The following MAML2 variants were observed in gnomAD, a reference collection of about 807,000 sequenced individuals.
The protein encoded by MAML2 is mastermind-like protein 2.
A neutral mutation model predicts 96.1 loss-of-function variants in MAML2; 22 were observed. The ratio of observed to expected loss-of-function variants is 0.23; its 90% CI spans 0.16 to 0.33. MAML2 has a LOEUF of 0.33. Among genes scored for constraint, MAML2 ranks in the 10% least tolerant of loss-of-function variants. The probability of loss-of-function intolerance (pLI) is 1.00; values close to 1 mark genes in which losing one functional copy is unlikely to be tolerated. For synonymous variants in MAML2, 561 were observed against 521.3 expected (o/e 1.08, Z -1.04); for missense variants, 1,367 against 1,392.4 (o/e 0.98, Z 0.29).
intron 2 of MAML2, among the ~76,000 whole-genome samples, chr11:95,993,098 C>G: frequency 6.6e-6 from 1 of 151,106 alleles, no homozygotes. Flanking sequence ...TTTTTAGAGA[C>G]GGGGTCTTAC....
intron 1 of MAML2, among the ~76,000 whole-genome samples, chr11:96,272,177 T>C (rs548700005): frequency 4.0e-5 from 6 of 151,002 alleles, no homozygotes; most frequent in African/African-American, 1.5e-4. Context: ...CTATGCATTG[T>C]ACTTGTGTTG....
intron 1 of MAML2, 142 bp downstream of exon 1, chr11:96,341,241 C>T (rs1225397948): frequency 1.1e-6 from 1 of 935,378 alleles, no homozygotes; most frequent in Non-Finnish European, 1.6e-6. Flanking sequence ...ACCACCCGAA[C>T]ACACCCAATG....
intron 1 of MAML2, among the ~76,000 whole-genome samples, chr11:96,318,326 A>C (rs1023611774): frequency 6.6e-6 from 1 of 152,208 alleles, no homozygotes; most frequent in African/African-American, 2.4e-5. Flanking sequence ...AGAAGTAAGC[A>C]AGAGACTTAT....
rs34658278 is a variant in MAML2, at chr11:96,312,219, C to CAAAAAAAAAAAAAAAAAAAAAA, written c.513+29142_513+29163dup. Among the ~76,000 whole-genome samples, 11 of 51,560 alleles carry CAAAAAAAAAAAAAAAAAAAAAA rather than the reference C, an allele frequency of 2.1e-4. 1 individual carries two copies. Among genetic ancestry groups the CAAAAAAAAAAAAAAAAAAAAAA allele is most frequent in the East Asian group, 7.1e-4 (1 of 1,414 alleles). The allele number at this position is 51,560 out of a possible 152,430, so 33.8% of individuals were successfully genotyped here. A position where few individuals can be genotyped will look rare whatever the true frequency, so the allele number is the denominator to read the frequency against. ...TGGGCGACAGAGCAAGACTCTATCTCAAAAAAAAAAAAAAAAAAAAAAAAA... is the reference window on the plus strand; with the variant it reads ...TGGGCGACAGAGCAAGACTCTATCTCAAAAAAAAAAAAAAAAAAAAAAAAAAAAAAAAAAAAAAAAAAAAAAA... On this transcript the variant is annotated intron_variant, in intron 1 of 4. Coordinates refer to ENST00000524717, the MANE Select transcript of MAML2 (RefSeq NM_032427.4).
intron 2 of MAML2, among the ~76,000 whole-genome samples, chr11:96,029,702 A>G (rs1858581160): frequency 6.6e-6 from 1 of 152,158 alleles, no homozygotes; most frequent in Non-Finnish European, 1.5e-5. Flanking sequence ...AACTCCCACC[A>G]TTTGTCATTC....
chr11:96,023,018 C>G lies in MAML2; in HGVS notation c.2140-31295G>C, dbSNP rs556450615. ...GATACTGTATCTGAAGAAGGTAAGG[C>G]ATGCAGGGGATCCCCAAGACTGGGG... On this transcript the variant is annotated intron_variant, in intron 2 of 4. Coordinates refer to ENST00000524717, the MANE Select transcript of MAML2 (RefSeq NM_032427.4). Among the ~76,000 whole-genome samples the G allele has an allele frequency of 7.9e-5, 12 of 152,260 alleles. No homozygotes were observed. The South Asian group carries it at 1.9e-3, about 24-fold the overall frequency.
intron 2 of MAML2, among the ~76,000 whole-genome samples, chr11:96,081,411 G>T (rs936560315): frequency 2.0e-5 from 3 of 152,014 alleles, no homozygotes; most frequent in African/African-American, 7.3e-5. Flanking sequence ...AGTGGAAGAT[G>T]TCCATCAAGT....
At chr11:95,995,043 A>G (rs930267388) in intron 2 of MAML2, among the ~76,000 whole-genome samples, 2 of 152,246 alleles carry the variant, frequency 1.3e-5, no homozygotes, top group African/African-American at 4.8e-5. Flanking sequence ...GAGATAATCC[A>G]ATACCTACCA....
intron 1 of MAML2, among the ~76,000 whole-genome samples, chr11:96,298,706 T>A (rs1783830): frequency 0.25 from 36,408 of 146,894 alleles, 4,689 homozygotes; most frequent in East Asian, 0.33. Flanking sequence ...TGTATGTGTG[T>A]ATAAATATAT....
intron 1 of MAML2, among the ~76,000 whole-genome samples, chr11:96,221,343 C>T (rs2135946798): frequency 6.6e-6 from 1 of 152,280 alleles, no homozygotes; most frequent in African/African-American, 2.4e-5. Flanking sequence ...TATCAAGACT[C>T]AGAGATAGCG....
intron 2 of MAML2, among the ~76,000 whole-genome samples, chr11:96,060,565 C>A (rs1317867733): frequency 6.6e-6 from 1 of 152,076 alleles, no homozygotes; most frequent in Non-Finnish European, 1.5e-5. Context: ...CACAGAGGCC[C>A]CAGATCTAAA....
chr11:96,148,678 A>ACACAC (rs1353632767), intron 1 of MAML2, among the ~76,000 whole-genome samples: 3 of 148,666 alleles, frequency 2.0e-5, no homozygotes, highest in Non-Finnish European at 4.5e-5. Flanking sequence ...ACACACACAC[A>ACACAC]CACACACACA....
At chr11:95,998,982 AT>A (rs1177746130) in intron 2 of MAML2, among the ~76,000 whole-genome samples, 1 of 152,152 alleles carries the variant, frequency 6.6e-6, no homozygotes, top group Non-Finnish European at 1.5e-5. Flanking sequence ...ACTCTTTTAA[AT>A]GGGTACCCTT....
At chr11:96,179,975 G>A (rs1591058099) in intron 1 of MAML2, among the ~76,000 whole-genome samples, 2 of 152,336 alleles carry the variant, frequency 1.3e-5, no homozygotes, top group East Asian at 3.9e-4. Context: ...GGATAGTAGG[G>A]AAAAGCAGGT....
intron 1 of MAML2, among the ~76,000 whole-genome samples, chr11:96,338,357 A>G (rs1369358129): frequency 6.6e-6 from 1 of 152,242 alleles, no homozygotes; most frequent in Non-Finnish European, 1.5e-5. Context: ...CTTCCCCTGA[A>G]CTTGTACTTG....
At chr11:96,008,045 C>T (rs1003175703) in intron 2 of MAML2, among the ~76,000 whole-genome samples, 20 of 148,956 alleles carry the variant, frequency 1.3e-4, no homozygotes, top group African/African-American at 4.7e-4. Flanking sequence ...AAAAATTTTT[C>T]AGTGAAATGA....
intron 1 of MAML2, among the ~76,000 whole-genome samples, chr11:96,181,761 ATCTTTTCTACTGATACTG>A (rs561788639): frequency 0.56 from 84,516 of 151,626 alleles, 24,192 homozygotes; most frequent in East Asian, 0.75. Context: ...GATACTGAGT[ATCTTTTCTACTGATACTG>A]AAGATACTGA....
chr11:96,030,315 G>A (rs1858593144), intron 2 of MAML2, among the ~76,000 whole-genome samples: 1 of 151,944 alleles, frequency 6.6e-6, no homozygotes, highest in African/African-American at 2.4e-5. Context: ...AGAAGATGGG[G>A]GAATTACTCT....
At chr11:96,158,906 A>C (rs1377267265) in intron 1 of MAML2, among the ~76,000 whole-genome samples, 1 of 152,196 alleles carries the variant, frequency 6.6e-6, no homozygotes, top group Admixed American at 6.5e-5. Flanking sequence ...TAGAGGAGAA[A>C]GTGTGAAAAT....
Sources: allele counts gnomAD v4.1 joint callset (sites outside exome capture counted in the v4.1 genomes callset), GRCh38; gene constraint gnomAD v4.1.1; transcripts MANE v1.5; gene names NCBI Gene and HGNC (gene_info 2026-07-23, HGNC 2026-07-21).